NEGR1: variants seen among roughly 807,000 people sequenced by gnomAD.
NEGR1 encodes the protein neuronal growth regulator 1.
A neutral mutation model predicts 40.9 loss-of-function variants in NEGR1; 10 were observed. That is an observed-to-expected ratio of 0.24 (90% CI 0.15 to 0.42). The LOEUF is 0.42. Among genes scored for constraint, NEGR1 ranks in the 10% least tolerant of loss-of-function variants. NEGR1 has a pLI of 1.00. For synonymous variants in NEGR1, 185 were observed against 166.8 expected (o/e 1.11, Z -0.84); for missense variants, 352 against 438.9 (o/e 0.80, Z 1.77).
chr1:71,925,213 T>C (rs138633435), intron 2 of NEGR1, among the ~76,000 whole-genome samples: 44 of 152,336 alleles, frequency 2.9e-4, no homozygotes, highest in African/African-American at 1.0e-3. Flanking sequence ...TAAAGGTATG[T>C]GTATTTTTCC....
At chr1:71,796,989 G>T (rs1407097368) in intron 2 of NEGR1, among the ~76,000 whole-genome samples, 2 of 152,100 alleles carry the variant, frequency 1.3e-5, no homozygotes, top group African/African-American at 4.8e-5. Context: ...TTACATAATT[G>T]AAACTCATTA....
intron 1 of NEGR1, among the ~76,000 whole-genome samples, chr1:71,944,062 C>A (rs1389015728): frequency 6.6e-6 from 1 of 152,266 alleles, no homozygotes; most frequent in Non-Finnish European, 1.5e-5. Flanking sequence ...TTTTTGAATT[C>A]AACTAAATCA....
At chr1:71,751,870 T>G (rs10789324) in intron 3 of NEGR1, among the ~76,000 whole-genome samples, 75,583 of 152,044 alleles carry the variant, frequency 0.5, 19,107 homozygotes, top group East Asian at 0.78. Context: ...TATTGACATA[T>G]ATGTGGAGGA....
chr1:71,822,732 C>A (rs1658476247), intron 2 of NEGR1, among the ~76,000 whole-genome samples: 2 of 151,940 alleles, frequency 1.3e-5, no homozygotes, highest in Non-Finnish European at 1.5e-5. Context: ...TTTGGGCCTG[C>A]CTTGGCCAGT....
chr1:72,131,589 TAAC>T (rs1199171217), intron 1 of NEGR1, among the ~76,000 whole-genome samples: 6 of 152,166 alleles, frequency 3.9e-5, no homozygotes, highest in African/African-American at 1.4e-4. Context: ...CCAAATACGA[TAAC>T]AAGATAATTT....
At chr1:71,764,034 A>G (rs552565214) in intron 3 of NEGR1, among the ~76,000 whole-genome samples, 5 of 152,316 alleles carry the variant, frequency 3.3e-5, no homozygotes, top group Admixed American at 6.5e-5. Flanking sequence ...CCCCTGGCCC[A>G]TGAGACCAAA....
intron 1 of NEGR1, among the ~76,000 whole-genome samples, chr1:71,960,145 T>TA (rs1301149260): frequency 2.0e-5 from 3 of 152,078 alleles, no homozygotes; most frequent in East Asian, 1.9e-4. Flanking sequence ...TCTTTAAGCT[T>TA]AAAAAAATGG....
intron 4 of NEGR1, among the ~76,000 whole-genome samples, chr1:71,656,081 T>C (rs566299815): frequency 6.6e-6 from 1 of 152,310 alleles, no homozygotes; most frequent in African/African-American, 2.4e-5. Context: ...CTTGCCCAAC[T>C]TCAGAGTATT....
chr1:71,597,365 C>T (rs1221214558), intron 5 of NEGR1, among the ~76,000 whole-genome samples: 2 of 150,894 alleles, frequency 1.3e-5, no homozygotes, highest in African/African-American at 4.9e-5. Flanking sequence ...ATACAGGTCC[C>T]TTCCACAACA....
intron 2 of NEGR1, among the ~76,000 whole-genome samples, chr1:71,903,679 T>A (rs1377747614): frequency 2.0e-5 from 3 of 151,882 alleles, no homozygotes; most frequent in African/African-American, 7.2e-5. Flanking sequence ...ATTTATTTCA[T>A]ACATATACAT....
intron 6 of NEGR1, among the ~76,000 whole-genome samples, chr1:71,585,706 T>TTTTG (rs1557576562): frequency 1.3e-5 from 2 of 150,902 alleles, no homozygotes; most frequent in African/African-American, 4.9e-5. Flanking sequence ...TTTTTTTTTT[T>TTTTG]TTTTTACTCA....
At chr1:71,436,648 TTC>T (rs1452623541) in intron 6 of NEGR1, among the ~76,000 whole-genome samples, 2 of 152,150 alleles carry the variant, frequency 1.3e-5, no homozygotes, top group Non-Finnish European at 2.9e-5. Context: ...CTCTCCTGCC[TTC>T]TGTTTTACCT....
intron 4 of NEGR1, among the ~76,000 whole-genome samples, chr1:71,695,939 T>C (rs1653461884): frequency 6.6e-6 from 1 of 151,806 alleles, no homozygotes; most frequent in Non-Finnish European, 1.5e-5. Flanking sequence ...AACTATGACA[T>C]AAACCCACTA....
At chr1:71,482,344 C>CA (rs986614176) in intron 6 of NEGR1, among the ~76,000 whole-genome samples, 3 of 151,386 alleles carry the variant, frequency 2.0e-5, no homozygotes, top group African/African-American at 7.3e-5. Context: ...ACATAGCAGG[C>CA]AAAAAAAGCA....
chr1:72,145,982 C>T (rs796167629), intron 1 of NEGR1, among the ~76,000 whole-genome samples: 67 of 148,288 alleles, frequency 4.5e-4, no homozygotes, highest in Middle Eastern at 3.5e-3. Context: ...TATTGAGCAG[C>T]ATTCTCAGAG....
intron 6 of NEGR1, among the ~76,000 whole-genome samples, chr1:71,588,570 C>T (rs531873058): frequency 6.6e-6 from 1 of 152,178 alleles, no homozygotes; most frequent in African/African-American, 2.4e-5. Flanking sequence ...TTTTAGAAAA[C>T]ATACATTTTT....
chr1:72,137,887 C>G (rs1324739774), intron 1 of NEGR1, among the ~76,000 whole-genome samples: 1 of 151,952 alleles, frequency 6.6e-6, no homozygotes, highest in African/African-American at 2.4e-5. Flanking sequence ...CTATGTAAGG[C>G]AGAAGACAGT....
At chr1:71,464,558 A>G (rs1646733667) in intron 6 of NEGR1, among the ~76,000 whole-genome samples, 1 of 152,164 alleles carries the variant, frequency 6.6e-6, no homozygotes, top group African/African-American at 2.4e-5. Flanking sequence ...TAAAAAATGG[A>G]AAATGAAAGA....
At chr1:72,092,713 T>C (rs1648545763) in intron 1 of NEGR1, among the ~76,000 whole-genome samples, 1 of 151,980 alleles carries the variant, frequency 6.6e-6, no homozygotes, top group South Asian at 2.1e-4. Context: ...TGCAGTAGTA[T>C]ATCTTCGTTC....
Sources: allele counts gnomAD v4.1 joint callset (sites outside exome capture counted in the v4.1 genomes callset), GRCh38; gene constraint gnomAD v4.1.1; transcripts MANE v1.5; gene names NCBI Gene and HGNC (gene_info 2026-07-23, HGNC 2026-07-21).